HECW1: variants seen among roughly 807,000 people sequenced by gnomAD.
The protein encoded by HECW1 is E3 ubiquitin-protein ligase HECW1.
Under a neutral mutation model 182.3 loss-of-function variants are expected in HECW1, and 61 were observed. The ratio of observed to expected loss-of-function variants is 0.33; its 90% confidence interval spans 0.27 to 0.41. HECW1 has a LOEUF of 0.41. Among genes scored for constraint, HECW1 ranks in the 10% least tolerant of loss-of-function variants. HECW1 has a pLI of 1.00. For synonymous variants in HECW1, 859 were observed against 832.6 expected (o/e 1.03, Z -0.55); for missense variants, 1,739 against 2,108.9 (o/e 0.82, Z 3.44).
chr7:43,199,414 T>A (rs1794831256), intron 2 of HECW1, among the ~76,000 whole-genome samples: 1 of 152,252 alleles, frequency 6.6e-6, no homozygotes, highest in Non-Finnish European at 1.5e-5. Context: ...GATCAATTTA[T>A]AAAATACATG....
intron 6 of HECW1, among the ~76,000 whole-genome samples, chr7:43,373,607 T>G (rs960852283): frequency 1.1e-4 from 17 of 150,994 alleles, no homozygotes; most frequent in South Asian, 4.2e-4. Flanking sequence ...TACATGTTTG[T>G]TTTTTTTTAA....
chr7:43,213,546 C>T lies in HECW1; in HGVS notation c.-31-30329C>T, dbSNP rs573089937. Among the ~76,000 whole-genome samples, 106 of 149,606 alleles carry T rather than the reference C, an allele frequency of 7.1e-4. 5 individuals carry two copies. The South Asian group carries it at 0.02, about 28-fold the overall frequency. On this transcript the variant is annotated intron_variant, in intron 2 of 29. Transcript: ENST00000395891. ...CTGCAAGCTCCACCTTCCGGGTTCA[C>T]ACCATTCTCCTGCCTCAGCCTCCTG... is the stretch of plus-strand genomic sequence containing the variant.
At chr7:43,321,776 T>C (rs1307374218) in intron 5 of HECW1, among the ~76,000 whole-genome samples, 1 of 150,994 alleles carries the variant, frequency 6.6e-6, no homozygotes, top group Non-Finnish European at 1.5e-5. Context: ...GCTTTCATTT[T>C]CATTCACTCT....
chr7:43,545,281 A>G (rs2081513031), intron 26 of HECW1, among the ~76,000 whole-genome samples: 1 of 152,256 alleles, frequency 6.6e-6, no homozygotes, highest in African/African-American at 2.4e-5. Context: ...ATGGCCATAT[A>G]CTGTCTATTC....
At chr7:43,333,696 T>C (rs888387570) in intron 5 of HECW1, among the ~76,000 whole-genome samples, 3 of 152,168 alleles carry the variant, frequency 2.0e-5, no homozygotes, top group Non-Finnish European at 4.4e-5. Context: ...CCATTACATC[T>C]TGTCTTTCCT....
intron 9 of HECW1, chr7:43,439,615 A>G (rs1184292298): frequency 1.3e-5 from 2 of 152,206 alleles, no homozygotes; most frequent in African/African-American, 4.8e-5. Flanking sequence ...TTAGATAGAT[A>G]CCAGTTCGTA....
intron 2 of HECW1, among the ~76,000 whole-genome samples, chr7:43,206,717 C>T (rs1294180670): frequency 6.6e-6 from 1 of 152,166 alleles, no homozygotes; most frequent in African/African-American, 2.4e-5. Flanking sequence ...GGTCATTTAT[C>T]ATTATTTTTA....
intron 24 of HECW1, among the ~76,000 whole-genome samples, chr7:43,537,233 G>A (rs925637682): frequency 1.3e-5 from 2 of 152,188 alleles, no homozygotes; most frequent in Non-Finnish European, 2.9e-5. Flanking sequence ...CACACCCACA[G>A]GCAGAGGGAG....
At chr7:43,193,684 T>C (rs1351212675) in intron 2 of HECW1, among the ~76,000 whole-genome samples, 1 of 152,120 alleles carries the variant, frequency 6.6e-6, no homozygotes, top group African/African-American at 2.4e-5. Context: ...ACCCGGCCAC[T>C]TGATGTGTTT....
At chr7:43,124,988 A>G (rs1189938012) in intron 2 of HECW1, among the ~76,000 whole-genome samples, 1 of 152,170 alleles carries the variant, frequency 6.6e-6, no homozygotes, top group Non-Finnish European at 1.5e-5. Context: ...TGAGTGACTT[A>G]TAAACAACAG....
rs138598285 is a variant in HECW1, at chr7:43,128,573, A to G, written c.-32+14182A>G. The stretch of plus-strand genomic sequence containing the variant: ...ACTGGTGAAGATATACAAGGAGGTG[A>G]ATGTTGTTTTCATGCCTGCCAAGAT... On this transcript the variant is annotated intron_variant, in intron 2 of 29. Coordinates refer to ENST00000395891, the MANE Select transcript of HECW1 (RefSeq NM_015052.5). Among the ~76,000 whole-genome samples the G allele has an allele frequency of 5.1e-3, 778 of 152,318 alleles. 4 individuals are homozygous for G. Among genetic ancestry groups the G allele is most frequent in the Middle Eastern group, 0.031 (9 of 294 alleles).
chr7:43,508,059 A>G lies in HECW1; in HGVS notation c.3794A>G (p.Asn1265Ser), dbSNP rs200912368. 2.5e-3 allele frequency: 4,012 copies of G among 1,614,026 alleles called. 7 individuals carry two copies. Among genetic ancestry groups the G allele is most frequent in the Non-Finnish European group, 3.0e-3 (3,518 of 1,179,896 alleles). The change falls in exon 23 of 30, where the codon AAT (asparagine) becomes AGT (serine). Residue 1265 changes from asparagine to serine, a missense_variant. Physicochemically the swap from Asn to Ser is conservative, Grantham distance 46 (BLOSUM62 1). This residue lies in a region of HECW1 where 420 missense variants were observed against 595.7 expected (regional missense o/e 0.71). Coordinates refer to ENST00000395891, the MANE Select transcript of HECW1 (RefSeq NM_015052.5). ...RRDHLLEGTF[N>S]QVMAYSRKEL... ...GATCATTTGTTGGAGGGAACCTTCA[A>G]TCAGGTGATGGCCTATTCGCGGAAA...
At chr7:43,554,262 G>A (rs181656317) in intron 28 of HECW1, among the ~76,000 whole-genome samples, 201 of 152,070 alleles carry the variant, frequency 1.3e-3, no homozygotes, top group Non-Finnish European at 2.1e-3. Context: ...TCTCTACCAG[G>A]CCCTTCTACT....
chr7:43,346,719 A>G (rs1289086056), intron 5 of HECW1, among the ~76,000 whole-genome samples: 1 of 152,142 alleles, frequency 6.6e-6, no homozygotes, highest in African/African-American at 2.4e-5. Flanking sequence ...AGGCTAGCCA[A>G]TTATCCCAGC....
chr7:43,244,733 G>T (rs1329848382), intron 3 of HECW1, among the ~76,000 whole-genome samples: 1 of 152,288 alleles, frequency 6.6e-6, no homozygotes, highest in Non-Finnish European at 1.5e-5. Context: ...CCATCCACTG[G>T]GCCCTGTGCT....
intron 24 of HECW1, among the ~76,000 whole-genome samples, chr7:43,518,806 A>G (rs958852219): frequency 1.4e-4 from 22 of 152,224 alleles, no homozygotes; most frequent in African/African-American, 5.3e-4. Flanking sequence ...CTAAGGTAAC[A>G]ATGATATATC....
At chr7:43,560,008 T>G (rs2082157178) in intron 29 of HECW1, among the ~76,000 whole-genome samples, 1 of 152,192 alleles carries the variant, frequency 6.6e-6, no homozygotes, top group South Asian at 2.1e-4. Context: ...TAAAGGTGAT[T>G]TTTTTTCTGT....
intron 17 of HECW1, among the ~76,000 whole-genome samples, chr7:43,488,245 G>T (rs185031895): frequency 1.8e-3 from 274 of 151,524 alleles, no homozygotes; most frequent in Middle Eastern, 0.01. Flanking sequence ...GGGAGGCAGA[G>T]GTTGCAGTGA....
chr7:43,126,042 G>A (rs1263486971), intron 2 of HECW1, among the ~76,000 whole-genome samples: 1 of 148,146 alleles, frequency 6.8e-6, no homozygotes, highest in East Asian at 2.0e-4. Flanking sequence ...AATGCAAGGC[G>A]TGCGTGTATA....
Sources: gnomAD v4.1 joint callset for allele counts (sites outside exome capture counted in the v4.1 genomes callset) on GRCh38, gnomAD v4.1.1 for gene constraint, gnomAD v4.1.1 regional missense constraint, MANE v1.5 for transcripts, NCBI Gene and HGNC (gene_info 2026-07-23, HGNC 2026-07-21) for gene names.